GRID1: variants seen among roughly 807,000 people sequenced by gnomAD.
GRID1 encodes the protein glutamate ionotropic receptor delta type subunit 1.
A neutral mutation model predicts 98.0 loss-of-function variants in GRID1; 28 were observed. The observed-to-expected ratio is 0.29, with a 90% CI of 0.21 to 0.39. The LOEUF (loss-of-function observed/expected upper bound fraction) is 0.39, where lower values mean the gene tolerates loss of function less well. Ranked by LOEUF, GRID1 falls within the 10% of genes least tolerant of loss-of-function variation. The pLI is 1.00. For synonymous variants in GRID1, 553 were observed against 538.5 expected (o/e 1.03, Z -0.37); for missense variants, 1,111 against 1,340.5 (o/e 0.83, Z 2.67).
At chr10:85,927,428 C>A (rs889190371) in intron 4 of GRID1, among the ~76,000 whole-genome samples, 4 of 151,910 alleles carry the variant, frequency 2.6e-5, no homozygotes, top group African/African-American at 9.7e-5. Context: ...GGCAGCAGAG[C>A]CTGGCTTTTA....
chr10:85,951,679 CA>C (rs1842127651), intron 4 of GRID1, among the ~76,000 whole-genome samples: 1 of 152,220 alleles, frequency 6.6e-6, no homozygotes, highest in Non-Finnish European at 1.5e-5. Flanking sequence ...TTTATGTACA[CA>C]ACTGCAGCAG....
At chr10:85,970,067 A>C (rs1842387281) in intron 4 of GRID1, among the ~76,000 whole-genome samples, 1 of 152,050 alleles carries the variant, frequency 6.6e-6, no homozygotes, top group Non-Finnish European at 1.5e-5. Flanking sequence ...AAACTAAATA[A>C]GCGAACTAGA....
chr10:85,990,744 G>T (rs1415643676), intron 4 of GRID1, among the ~76,000 whole-genome samples: 1 of 152,070 alleles, frequency 6.6e-6, no homozygotes, highest in Non-Finnish European at 1.5e-5. Flanking sequence ...AAGGAGCTTG[G>T]GTTTTATTTT....
At chr10:86,310,597 A>G (rs2132087993) in intron 2 of GRID1, among the ~76,000 whole-genome samples, 1 of 152,300 alleles carries the variant, frequency 6.6e-6, no homozygotes, top group South Asian at 2.1e-4. Flanking sequence ...AGAAAGGCAT[A>G]TATCTACCTG....
intron 8 of GRID1, among the ~76,000 whole-genome samples, chr10:85,832,151 C>A (rs1842872680): frequency 6.6e-6 from 1 of 152,024 alleles, no homozygotes; most frequent in Non-Finnish European, 1.5e-5. Context: ...AATATAAAAT[C>A]TAAATGTATA....
intron 2 of GRID1, among the ~76,000 whole-genome samples, chr10:86,225,997 C>T (rs976510667): frequency 6.6e-6 from 1 of 152,082 alleles, no homozygotes; most frequent in East Asian, 1.9e-4. Context: ...TTTGGAATTC[C>T]ACAGGCCCGA....
chr10:85,817,631 C>A (rs547351583), intron 8 of GRID1, among the ~76,000 whole-genome samples: 1 of 150,130 alleles, frequency 6.7e-6, no homozygotes, highest in South Asian at 2.1e-4. Flanking sequence ...CAGTGGCTCA[C>A]GCCTGTAATC....
chr10:86,112,885 T>G (rs1844510275), intron 4 of GRID1, among the ~76,000 whole-genome samples: 1 of 152,076 alleles, frequency 6.6e-6, no homozygotes. Flanking sequence ...GATGCATGTT[T>G]TGCATTGGCC....
chr10:86,203,094 T>C (rs189552852), intron 3 of GRID1, among the ~76,000 whole-genome samples: 1 of 152,296 alleles, frequency 6.6e-6, no homozygotes, highest in Non-Finnish European at 1.5e-5. Context: ...CTCAGAGGGA[T>C]GTTGGGTGGC....
chr10:86,207,519 T>C (rs1183907458), intron 2 of GRID1, among the ~76,000 whole-genome samples: 2 of 151,932 alleles, frequency 1.3e-5, no homozygotes, highest in Non-Finnish European at 2.9e-5. Flanking sequence ...AACCAATTAA[T>C]AGAAAGATGC....
chr10:85,685,364 T>C (rs1001563252), intron 12 of GRID1, among the ~76,000 whole-genome samples: 6 of 152,148 alleles, frequency 3.9e-5, no homozygotes, highest in African/African-American at 1.4e-4. Flanking sequence ...ACACAAGGTG[T>C]CTATATCTTT....
At chr10:86,235,654 T>C (rs1452221175) in intron 2 of GRID1, among the ~76,000 whole-genome samples, 1 of 152,246 alleles carries the variant, frequency 6.6e-6, no homozygotes, top group Non-Finnish European at 1.5e-5. Context: ...CACGTAGTCT[T>C]CTGTGTCTGC....
intron 8 of GRID1, among the ~76,000 whole-genome samples, chr10:85,734,016 C>A (rs539776904): frequency 6.6e-6 from 1 of 152,216 alleles, no homozygotes; most frequent in South Asian, 2.1e-4. Flanking sequence ...CTATCACATG[C>A]ACTTGTACGA....
chr10:85,977,325 T>C (rs1842485157), intron 4 of GRID1, among the ~76,000 whole-genome samples: 1 of 152,058 alleles, frequency 6.6e-6, no homozygotes, highest in African/African-American at 2.4e-5. Context: ...AGGCAGGTAA[T>C]ACAGTGGTGA....
chr10:86,031,924 C>T (rs546465716), intron 4 of GRID1, among the ~76,000 whole-genome samples: 1 of 152,316 alleles, frequency 6.6e-6, no homozygotes, highest in East Asian at 1.9e-4. Context: ...CCCCTACGTC[C>T]CATTGGTTCA....
intron 4 of GRID1, among the ~76,000 whole-genome samples, chr10:85,920,607 C>A (rs1841689228): frequency 6.6e-6 from 1 of 152,244 alleles, no homozygotes. Context: ...GTGGGCACCA[C>A]CACCTCCATG....
chr10:85,745,498 C>A (rs1841987114), intron 8 of GRID1, among the ~76,000 whole-genome samples: 1 of 131,872 alleles, frequency 7.6e-6, no homozygotes, highest in Non-Finnish European at 1.6e-5. Context: ...CGCATATTCT[C>A]ACTCATAGGT....
chr10:85,599,802 A>AAAAAATATATATAT lies in GRID1; in HGVS notation c.*2470_*2471insATATATATATTTTT. 6.3e-4 allele frequency: 41 copies of AAAAAATATATATAT among 64,976 alleles called. No homozygotes were observed. The highest frequency in any genetic ancestry group is 8.3e-4 in the Non-Finnish European group (32 of 38,784). The allele number at this position is 64,976 out of a possible 1,614,324, so 4.0% of individuals were successfully genotyped here. On this transcript the variant is annotated 3_prime_UTR_variant, in exon 16 of 16. Coordinates refer to ENST00000327946, the MANE Select transcript of GRID1 (RefSeq NM_017551.3). ...GTAGAAAATTCTAAAAAAAAAAAAA[A>AAAAAATATATATAT]ATATATATATATATATATAAACATG...
intron 5 of GRID1, among the ~76,000 whole-genome samples, chr10:85,882,878 C>T (rs1484177218): frequency 6.6e-6 from 1 of 151,880 alleles, no homozygotes; most frequent in Non-Finnish European, 1.5e-5. Flanking sequence ...CTTTGGTGTT[C>T]TACAGTAGCA....
Sources: gnomAD v4.1 joint callset for allele counts (sites outside exome capture counted in the v4.1 genomes callset) on GRCh38, gnomAD v4.1.1 for gene constraint, MANE v1.5 for transcripts, NCBI Gene and HGNC (gene_info 2026-07-23, HGNC 2026-07-21) for gene names.